Variants in ATP6V1B1 observed in about 807,000 individuals in gnomAD.
The protein encoded by ATP6V1B1 is V-type proton ATPase subunit B, kidney isoform.
ATP6V1B1 carries 41 observed loss-of-function variants against 62.1 expected under a neutral mutation model. The observed-to-expected ratio is 0.66, with a 90% confidence interval of 0.51 to 0.86. ATP6V1B1 has a LOEUF of 0.86. Ranked by LOEUF, ATP6V1B1 falls within the 40% of genes least tolerant of loss-of-function variation. The pLI is 0.00. For synonymous variants in ATP6V1B1, 253 were observed against 273.4 expected, an observed-to-expected ratio of 0.93 and a Z score of 0.74; for missense variants, 651 against 697.5, an observed-to-expected ratio of 0.93 and a Z score of 0.75.
At chr2:70,942,662 C>T (rs1680032963) in intron 1 of ATP6V1B1, among the ~76,000 whole-genome samples, 1 of 152,192 alleles carries the variant, frequency 6.6e-6, no homozygotes, top group Non-Finnish European at 1.5e-5. Flanking sequence ...CTGGGCAAGG[C>T]TTCTCACACT....
intron 4 of ATP6V1B1, 28 bp downstream of exon 4, chr2:70,958,454 G>A (rs1553419474): frequency 1.9e-6 from 3 of 1,594,700 alleles, no homozygotes; most frequent in Non-Finnish European, 2.6e-6. Flanking sequence ...GCAGGGGTGG[G>A]GGTGCTCCTC....
At chr2:70,964,378 G>A in intron 11 of ATP6V1B1, 60 bp from the exon 12 acceptor site, 3 of 1,560,640 alleles carry the variant, frequency 1.9e-6, no homozygotes, top group Admixed American at 3.3e-5. Context: ...AACAATTTGG[G>A]GACAGGGGGA....
intron 1 of ATP6V1B1, chr2:70,939,777 A>AC (rs1490445707): frequency 3.3e-5 from 5 of 152,190 alleles, no homozygotes; most frequent in Non-Finnish European, 7.3e-5. Context: ...TGGGGAGAGG[A>AC]CCCAGTGGGC....
intron 2 of ATP6V1B1, among the ~76,000 whole-genome samples, chr2:70,946,684 A>C (rs1572911426): frequency 6.6e-6 from 1 of 152,220 alleles, no homozygotes; most frequent in South Asian, 2.1e-4. Flanking sequence ...TTCTGCCTGG[A>C]ATGCAGAAAT....
intron 1 of ATP6V1B1, chr2:70,942,580 A>G: frequency 2.5e-6 from 1 of 394,412 alleles, no homozygotes. Flanking sequence ...TGAACCGAGA[A>G]CCAGTGTGGT....
rs781973207 is a variant in ATP6V1B1 at position 70,958,445 on chromosome 2, C to A, written c.367+19C>A. The stretch of plus-strand genomic sequence containing the variant: ...ATGCTGGGTGAGGGACAGGGAGGGG[C>A]AGGGGTGGGGGTGCTCCTCTGCCCT... On this transcript the variant is annotated intron_variant, in intron 4 of 13. Transcript: ENST00000234396. The A allele has an allele frequency of 3.2e-6, 5 of 1,571,806 alleles. No homozygotes were observed. The highest frequency in any genetic ancestry group is 3.5e-6 in the Non-Finnish European group (4 of 1,141,662).
In ATP6V1B1 at chr2:70,963,336, C is replaced by T. The variant is rs782637168; in HGVS notation, c.1060+24C>T. ...CGGTAGCCTCCTCACAGCCCACTAC[C>T]CTCCAGAGCTCCCCTGTCCTCCCTT... On this transcript the variant is annotated intron_variant, in intron 10 of 13. Transcript: ENST00000234396. The surrounding 1 kb of genome is among the most constrained non-coding windows in gnomAD (Gnocchi z 4.3). The T allele has an allele frequency of 3.1e-6, 5 of 1,612,514 alleles. No individual in the cohort carries two copies. Among genetic ancestry groups the T allele is most frequent in the South Asian group, 1.1e-5 (1 of 91,080 alleles).
intron 1 of ATP6V1B1, 108 bp downstream of exon 1, chr2:70,936,180 A>C (rs900118325): frequency 1.1e-5 from 12 of 1,117,404 alleles, no homozygotes; most frequent in South Asian, 8.6e-5. Context: ...AGGACCCAAG[A>C]CCTGGGGAGA....
In ATP6V1B1 at chr2:70,962,919, G is replaced by A. The variant is rs1680625861; in HGVS notation, c.909+19G>A. 4 of 1,613,492 alleles carry A rather than the reference G, an allele frequency of 2.5e-6. No individual in the cohort carries two copies. The highest frequency in any genetic ancestry group is 3.4e-6 in the Non-Finnish European group (4 of 1,179,980). ...GCGGGAGGTAAGCTGGCTAGCAAGG[G>A]GTGTCAGATTCCTCCCTACCCCTCC... On this transcript the variant is annotated intron_variant, in intron 9 of 13. Transcript: ENST00000234396.
chr2:70,940,870 A>G (rs1340193848), intron 1 of ATP6V1B1: 1 of 984,512 alleles, frequency 1.0e-6, no homozygotes, highest in Non-Finnish European at 1.2e-6. Flanking sequence ...TCCATCCACA[A>G]AGATTTCTTT....
At chr2:70,958,680 G>A (rs1553419516) in intron 4 of ATP6V1B1, among the ~76,000 whole-genome samples, 1 of 152,156 alleles carries the variant, frequency 6.6e-6, no homozygotes, top group African/African-American at 2.4e-5. Context: ...CCACCTATTT[G>A]GAGCCAGGCT....
intron 1 of ATP6V1B1, chr2:70,939,449 G>C (rs1032875014): frequency 6.6e-6 from 1 of 152,306 alleles, no homozygotes; most frequent in Admixed American, 6.5e-5. Context: ...GTTGCAGAGT[G>C]GGCCATAATC....
intron 1 of ATP6V1B1, among the ~76,000 whole-genome samples, chr2:70,937,933 C>G (rs567109138): frequency 4.6e-5 from 7 of 152,222 alleles, no homozygotes; most frequent in African/African-American, 1.7e-4. Context: ...TGCCCGCCCC[C>G]CATGTTTGCA....
At chr2:70,958,707 C>T (rs1419606254) in intron 4 of ATP6V1B1, among the ~76,000 whole-genome samples, 2 of 152,198 alleles carry the variant, frequency 1.3e-5, no homozygotes, top group African/African-American at 4.8e-5. Context: ...GACTGCTAAG[C>T]CTTGAATATC....
intron 1 of ATP6V1B1, 42 bp from the exon 2 acceptor site, chr2:70,943,616 T>C (rs1553416768): frequency 1.3e-6 from 2 of 1,592,816 alleles, no homozygotes; most frequent in Non-Finnish European, 1.7e-6. Context: ...GTGAGCAGGG[T>C]GTTTGGGGTG....
rs146844637 is a variant in ATP6V1B1, at chr2:70,963,284, G to A, written c.1032G>A (p.Gln344=). 1.2e-6 allele frequency: 2 copies of A among 1,613,366 alleles called. No individual in the cohort carries two copies. The highest frequency in any genetic ancestry group is 1.3e-5 in the African/African-American group (1 of 74,908). ...RVEGRGGSIT[Q]IPILTMPNDD... is the part of the protein sequence containing the mutation. Reference sequence around the variant, plus strand: ...AGGGTCGGGGAGGATCCATCACACAGATCCCCATCCTCACCATGCCCAACG... The same window carrying A: ...AGGGTCGGGGAGGATCCATCACACAAATCCCCATCCTCACCATGCCCAACG... Residue 344 remains glutamine (Q), a synonymous_variant, in exon 10 of 14, where the codon CAG becomes CAA. Transcript: ENST00000234396. This position sits in a 1 kb window ranked among gnomAD's most constrained non-coding sequence, Gnocchi z 4.3.
intron 1 of ATP6V1B1, among the ~76,000 whole-genome samples, chr2:70,942,784 A>G (rs782071279): frequency 1.4e-4 from 22 of 152,136 alleles, no homozygotes; most frequent in Non-Finnish European, 2.9e-5. Flanking sequence ...CACCTTGCCA[A>G]ATGCCTTCAT....
At chr2:70,946,984 C>A (rs541292586) in intron 2 of ATP6V1B1, among the ~76,000 whole-genome samples, 30 of 152,320 alleles carry the variant, frequency 2.0e-4, no homozygotes, top group Non-Finnish European at 3.7e-4. Flanking sequence ...CTACCCCTTT[C>A]CCTCTACCAG....
chr2:70,935,919 G>A lies in ATP6V1B1; in HGVS notation c.-36G>A. 6.3e-7 allele frequency: 1 copy of A among 1,582,002 alleles called. No homozygotes were observed. The highest frequency in any genetic ancestry group is 8.7e-7 in the Non-Finnish European group (1 of 1,154,410). ...AGTCTCAGAGCTGCCACCAGCAGCA[G>A]GCTCAGACACTGGGCTCCCAGCTGG... On this transcript the variant is annotated 5_prime_UTR_variant, in exon 1 of 14. Transcript: ENST00000234396.
Sources: allele counts gnomAD v4.1 joint callset (sites outside exome capture counted in the v4.1 genomes callset), GRCh38; gene constraint gnomAD v4.1.1; non-coding constraint Gnocchi (gnomAD v3.1); transcripts MANE v1.5; gene names NCBI Gene and HGNC (gene_info 2026-07-23, HGNC 2026-07-21).